Variants in CHMP4B observed in about 807,000 individuals in gnomAD.
CHMP4B encodes the protein SNF7 homolog associated with Alix 1.
CHMP4B carries 1 observed loss-of-function variant against 25.1 expected under a neutral mutation model. The ratio of observed to expected loss-of-function variants is 0.04; its 90% CI spans 0.01 to 0.19. CHMP4B has a LOEUF of 0.19. CHMP4B is among the 10% of genes least tolerant of loss of function. CHMP4B has a pLI of 1.00. For missense variants in CHMP4B, 151 were observed against 289.7 expected (o/e 0.52, Z 3.48); for synonymous variants, 101 against 115.6 (o/e 0.87, Z 0.81).
At chr20:33,823,337 G>C (rs1030343923) in intron 1 of CHMP4B, among the ~76,000 whole-genome samples, 4 of 151,946 alleles carry the variant, frequency 2.6e-5, no homozygotes, top group African/African-American at 9.7e-5. Flanking sequence ...TCTGTGACTT[G>C]GGGATCCTGA....
At chr20:33,844,159 G>A (rs543109550) in intron 1 of CHMP4B, among the ~76,000 whole-genome samples, 5 of 152,320 alleles carry the variant, frequency 3.3e-5, no homozygotes, top group Admixed American at 1.3e-4. Flanking sequence ...AGGTGCTTGC[G>A]GGAAGTCCCT....
intron 1 of CHMP4B, among the ~76,000 whole-genome samples, chr20:33,815,250 T>A (rs1978752075): frequency 6.6e-6 from 1 of 152,200 alleles, no homozygotes; most frequent in South Asian, 2.1e-4. Context: ...ATGCCTGCCA[T>A]ATGGTAAGTG....
intron 1 of CHMP4B, among the ~76,000 whole-genome samples, chr20:33,832,105 C>T (rs1048303984): frequency 2.0e-5 from 3 of 152,086 alleles, no homozygotes; most frequent in South Asian, 2.1e-4. Flanking sequence ...ATTTTTCTGC[C>T]GGCATTTCAC....
chr20:33,850,522 G>T (rs1269136464), intron 2 of CHMP4B, among the ~76,000 whole-genome samples: 1 of 152,196 alleles, frequency 6.6e-6, no homozygotes, highest in Non-Finnish European at 1.5e-5. Context: ...GGTCCTAGAG[G>T]ATCCATAGGT....
At chr20:33,839,745 G>C (rs1979483619) in intron 1 of CHMP4B, among the ~76,000 whole-genome samples, 1 of 152,034 alleles carries the variant, frequency 6.6e-6, no homozygotes, top group Non-Finnish European at 1.5e-5. Context: ...GCTTGGTGCG[G>C]GGTAGACGCT....
chr20:33,817,862 G>A (rs1044854407), intron 1 of CHMP4B, among the ~76,000 whole-genome samples: 4 of 152,152 alleles, frequency 2.6e-5, no homozygotes, highest in African/African-American at 9.7e-5. Flanking sequence ...GCTGTTTGTA[G>A]TACTGGCCTG....
intron 1 of CHMP4B, among the ~76,000 whole-genome samples, chr20:33,819,877 G>A (rs561253891): frequency 9.2e-5 from 14 of 152,196 alleles, no homozygotes; most frequent in African/African-American, 2.2e-4. Context: ...TGTTAGAAAC[G>A]TGGATTCTGG....
chr20:33,813,755 C>T (rs967640605), intron 1 of CHMP4B, among the ~76,000 whole-genome samples: 3 of 152,004 alleles, frequency 2.0e-5, no homozygotes, highest in African/African-American at 7.3e-5. Context: ...GTTTTTGAAA[C>T]GGAGTCTCGC....
At chr20:33,830,933 G>GGTTTTTTTTTTTTTTT (rs1555792006) in intron 1 of CHMP4B, among the ~76,000 whole-genome samples, 1 of 102,524 alleles carries the variant, frequency 9.8e-6, no homozygotes, top group East Asian at 4.7e-4. Context: ...AAGGAACAGA[G>GGTTTTTTTTTTTTTTT]TTTTTTTTTT....
intron 1 of CHMP4B, among the ~76,000 whole-genome samples, chr20:33,846,135 T>A (rs1726490991): frequency 6.6e-6 from 1 of 152,172 alleles, no homozygotes; most frequent in African/African-American, 2.4e-5. Flanking sequence ...ACCTTTTTCA[T>A]TAAGTGGGGG....
At chr20:33,829,933 G>A (rs1228234924) in intron 1 of CHMP4B, among the ~76,000 whole-genome samples, 1 of 152,240 alleles carries the variant, frequency 6.6e-6, no homozygotes, top group Non-Finnish European at 1.5e-5. Context: ...ATCTTGTTCA[G>A]GTTCTGATGA....
At chr20:33,823,034 C>T (rs771226078) in intron 1 of CHMP4B, among the ~76,000 whole-genome samples, 7 of 151,982 alleles carry the variant, frequency 4.6e-5, no homozygotes, top group Middle Eastern at 6.8e-3. Flanking sequence ...GTAATCCACC[C>T]GCCTCAGCCT....
intron 1 of CHMP4B, among the ~76,000 whole-genome samples, chr20:33,841,537 A>G (rs1488714685): frequency 2.6e-5 from 4 of 152,160 alleles, no homozygotes; most frequent in African/African-American, 7.2e-5. Context: ...TGGGCTTCCA[A>G]TATGCATTTG....
intron 1 of CHMP4B, among the ~76,000 whole-genome samples, chr20:33,827,836 G>A (rs1182517201): frequency 6.6e-6 from 1 of 152,212 alleles, no homozygotes; most frequent in African/African-American, 2.4e-5. Flanking sequence ...CAGGATGTAG[G>A]GGATTTGTCT....
intron 1 of CHMP4B, among the ~76,000 whole-genome samples, chr20:33,828,555 A>C (rs1322477811): frequency 6.6e-6 from 1 of 152,090 alleles, no homozygotes; most frequent in Non-Finnish European, 1.5e-5. Flanking sequence ...AAACTACAGA[A>C]ATGTTGCGCC....
At chr20:33,826,375 G>A (rs1255701337) in intron 1 of CHMP4B, among the ~76,000 whole-genome samples, 1 of 152,194 alleles carries the variant, frequency 6.6e-6, no homozygotes, top group Non-Finnish European at 1.5e-5. Flanking sequence ...GGGTTATGGG[G>A]TATAGATGAG....
chr20:33,824,781 C>T (rs1401088683), intron 1 of CHMP4B, among the ~76,000 whole-genome samples: 1 of 151,182 alleles, frequency 6.6e-6, no homozygotes, highest in East Asian at 1.9e-4. Flanking sequence ...TTCTTAATAC[C>T]TCCCCATCCA....
At chr20:33,826,069 G>A (rs921577702) in intron 1 of CHMP4B, among the ~76,000 whole-genome samples, 1 of 152,174 alleles carries the variant, frequency 6.6e-6, no homozygotes, top group Non-Finnish European at 1.5e-5. Context: ...TACCCTCCAG[G>A]AACTCCCTGT....
intron 1 of CHMP4B, 52 bp downstream of exon 1, chr20:33,811,710 C>T (rs1201743615): frequency 6.4e-7 from 1 of 1,564,468 alleles, no homozygotes; most frequent in Admixed American, 1.8e-5. Flanking sequence ...CCAGGCTCCC[C>T]GGGCCCGGAC....
Sources: gnomAD v4.1 joint callset for allele counts (sites outside exome capture counted in the v4.1 genomes callset) on GRCh38, gnomAD v4.1.1 for gene constraint, MANE v1.5 for transcripts, NCBI Gene and HGNC (gene_info 2026-07-23, HGNC 2026-07-21) for gene names.